AGMO: variants seen among roughly 807,000 people sequenced by gnomAD.
The protein encoded by AGMO is glyceryl-ether monooxygenase.
In AGMO, 75 loss-of-function variants were observed where a neutral mutation model predicts 60.2. The observed-to-expected ratio is 1.25, with a 90% CI of 1.03 to 1.51. The LOEUF (loss-of-function observed/expected upper bound fraction) is 1.51, where lower values mean the gene tolerates loss of function less well. Ranked by LOEUF, AGMO falls within the 40% of genes most tolerant of loss-of-function variation. AGMO has a pLI of 0.00. For missense variants in AGMO, 763 were observed against 525.5 expected (o/e 1.45, Z -4.42); for synonymous variants, 261 against 177.1 (o/e 1.47, Z -3.76).
At chr7:15,175,935 GT>G in the AGMO span, among the ~76,000 whole-genome samples, 8 of 151,814 alleles carry the variant, frequency 5.3e-5, no homozygotes, top group African/African-American at 1.7e-4. Context: ...ACTTTAATAT[GT>G]TATATACATC....
At chr7:15,129,973 G>T in the AGMO span, among the ~76,000 whole-genome samples, 2 of 152,096 alleles carry the variant, frequency 1.3e-5, no homozygotes, top group African/African-American at 4.8e-5. Flanking sequence ...TTTAAAGAGA[G>T]AATTAGAAAG....
chr7:15,185,697 T>TG, the AGMO span, among the ~76,000 whole-genome samples: 1 of 152,146 alleles, frequency 6.6e-6, no homozygotes, highest in African/African-American at 2.4e-5. Context: ...ATTTGAAGAT[T>TG]GGAGTCCAAA....
chr7:15,365,663 C>T, intron 11 of AGMO, 44 bp from the exon 12 acceptor site: 1 of 1,281,692 alleles, frequency 7.8e-7, no homozygotes, highest in Non-Finnish European at 1.1e-6. Flanking sequence ...TAAATATGCT[C>T]TTTATATGTT....
At chr7:15,310,229 C>CA (rs746301117) in intron 12 of AGMO, among the ~76,000 whole-genome samples, 29 of 152,006 alleles carry the variant, frequency 1.9e-4, no homozygotes, top group Non-Finnish European at 2.6e-4. Context: ...CAAAAGTGCT[C>CA]AAAAAAATCA....
chr7:15,340,014 C>G (rs1781790347), intron 12 of AGMO, among the ~76,000 whole-genome samples: 1 of 152,114 alleles, frequency 6.6e-6, no homozygotes, highest in Non-Finnish European at 1.5e-5. Context: ...GATACAAGTA[C>G]AAGTTGAGTA....
At chr7:15,399,640 G>T (rs935015876) in intron 5 of AGMO, among the ~76,000 whole-genome samples, 1 of 152,082 alleles carries the variant, frequency 6.6e-6, no homozygotes, top group South Asian at 2.1e-4. Context: ...AAATGCTCTG[G>T]ACAATTTGTT....
At chr7:15,322,447 TATATATATAAATATATATAA>T (rs1178594521) in intron 12 of AGMO, among the ~76,000 whole-genome samples, 2 of 111,550 alleles carry the variant, frequency 1.8e-5, no homozygotes, top group African/African-American at 3.4e-5. Context: ...TATATATAAA[TATATATATAAATATATATAA>T]ATATATAAAT....
chr7:15,249,656 G>A (rs913502948), intron 12 of AGMO, among the ~76,000 whole-genome samples: 44 of 152,174 alleles, frequency 2.9e-4, no homozygotes, highest in African/African-American at 8.2e-4. Flanking sequence ...TATGAAGGCT[G>A]TGGATAATCA....
intron 10 of AGMO, among the ~76,000 whole-genome samples, chr7:15,374,493 T>A (rs1783365629): frequency 6.6e-6 from 1 of 152,070 alleles, no homozygotes; most frequent in South Asian, 2.1e-4. Flanking sequence ...TACCAAAATA[T>A]TAGATATGTA....
the AGMO span, among the ~76,000 whole-genome samples, chr7:15,187,452 T>C: frequency 6.6e-6 from 1 of 152,232 alleles, no homozygotes; most frequent in Non-Finnish European, 1.5e-5. Flanking sequence ...GATGACATCT[T>C]GGGCAGCATC....
intron 12 of AGMO, among the ~76,000 whole-genome samples, chr7:15,318,533 G>A (rs1166403582): frequency 6.6e-6 from 1 of 151,964 alleles, no homozygotes; most frequent in Non-Finnish European, 1.5e-5. Flanking sequence ...CTCAGACAAA[G>A]TTCACAAGCT....
chr7:15,559,039 C>A (rs544471315), intron 2 of AGMO, among the ~76,000 whole-genome samples: 1 of 152,050 alleles, frequency 6.6e-6, no homozygotes, highest in Non-Finnish European at 1.5e-5. Flanking sequence ...TAAGCCCTCA[C>A]GTGTTGAAGA....
At chr7:15,453,803 C>G (rs1265440730) in intron 3 of AGMO, among the ~76,000 whole-genome samples, 4 of 152,028 alleles carry the variant, frequency 2.6e-5, no homozygotes, top group African/African-American at 9.7e-5. Context: ...ACAGACGTGG[C>G]TTCTCATCCC....
chr7:15,317,901 A>C (rs1780979798), intron 12 of AGMO, among the ~76,000 whole-genome samples: 1 of 148,824 alleles, frequency 6.7e-6, no homozygotes, highest in South Asian at 2.1e-4. Flanking sequence ...ATATATACAC[A>C]CACACGTATA....
At chr7:15,542,156 A>C (rs1784645889) in intron 3 of AGMO, among the ~76,000 whole-genome samples, 1 of 152,182 alleles carries the variant, frequency 6.6e-6, no homozygotes, top group East Asian at 1.9e-4. Context: ...TTACAAATAA[A>C]ATTTAAAAAT....
the AGMO span, among the ~76,000 whole-genome samples, chr7:15,156,943 A>ACAAAGT: frequency 6.0e-3 from 915 of 152,280 alleles, 14 homozygotes; most frequent in African/African-American, 0.021. Context: ...AGTTTCTACT[A>ACAAAGT]CAAAGTCAGC....
chr7:15,356,223 C>T (rs1211528343), intron 12 of AGMO, among the ~76,000 whole-genome samples: 1 of 152,104 alleles, frequency 6.6e-6, no homozygotes, highest in Non-Finnish European at 1.5e-5. Context: ...AGAAACTCTA[C>T]ATACATGCAA....
the AGMO span, among the ~76,000 whole-genome samples, chr7:15,135,979 C>CTTTTTT: frequency 2.2e-4 from 23 of 106,864 alleles, no homozygotes; most frequent in African/African-American, 7.7e-4. Flanking sequence ...TTTTTCTTTT[C>CTTTTTT]TTTTTTTTTT....
intron 3 of AGMO, among the ~76,000 whole-genome samples, chr7:15,493,359 AC>A (rs1285937488): frequency 1.8e-4 from 15 of 84,956 alleles, no homozygotes; most frequent in Middle Eastern, 5.8e-3. Flanking sequence ...ACACACACAC[AC>A]ACTTCTTTTT....
Sources: gnomAD v4.1 joint callset for allele counts (sites outside exome capture counted in the v4.1 genomes callset) on GRCh38, gnomAD v4.1.1 for gene constraint, MANE v1.5 for transcripts, NCBI Gene and HGNC (gene_info 2026-07-23, HGNC 2026-07-21) for gene names.